The following ENTPD4 variants were observed in gnomAD, a reference collection of about 807,000 sequenced individuals.
ENTPD4 encodes the protein ectonucleoside triphosphate diphosphohydrolase 4, also known as Golgi UDPase.
Under a neutral mutation model 79.1 loss-of-function variants are expected in ENTPD4, and 60 were observed. That is an observed-to-expected ratio of 0.76 (90% CI 0.62 to 0.94). ENTPD4 has a LOEUF of 0.94. ENTPD4 is among the 40% of genes least tolerant of loss of function. The pLI is 0.00. For missense variants in ENTPD4, 772 were observed against 775.1 expected, an observed-to-expected ratio of 1.00 and a Z score of 0.05; for synonymous variants, 276 against 292.0, an observed-to-expected ratio of 0.95 and a Z score of 0.56.
rs997520939 is a variant in ENTPD4 at position 23,431,089 on chromosome 8, G to A, written c.*1837C>T. On this transcript the variant is annotated 3_prime_UTR_variant, in exon 13 of 13. Coordinates refer to ENST00000358689, the MANE Select transcript of ENTPD4 (RefSeq NM_004901.5). ...ATGCATTTTACCTTCCAGAGACGCA[G>A]GTTAAGCTGCACCTGAGGCAGTTTG... is the stretch of plus-strand genomic sequence containing the variant. 7.2e-5 allele frequency: 46 copies of A among 635,272 alleles called. No homozygotes were observed. In the African/African-American group the frequency reaches 9.1e-4, roughly 13 times the overall value. 39.4% of individuals were successfully genotyped at this position (635,272 alleles called of 1,614,324 possible).
At chr8:23,442,934 C>T (rs191336123) in intron 6 of ENTPD4, among the ~76,000 whole-genome samples, 5 of 152,222 alleles carry the variant, frequency 3.3e-5, no homozygotes, top group East Asian at 1.9e-4. Context: ...TTAACATTCC[C>T]GCCACTCCTT....
chr8:23,457,227 C>T (rs111867564), intron 1 of ENTPD4, among the ~76,000 whole-genome samples: 2 of 152,220 alleles, frequency 1.3e-5, no homozygotes, highest in Non-Finnish European at 2.9e-5. Flanking sequence ...TGCAGCATCC[C>T]TGCTGCCCGG....
rs369033589 is a variant in ENTPD4 at position 23,429,759 on chromosome 8, C to G, written c.*3167G>C. The G allele has an allele frequency of 4.1e-6, 4 of 985,356 alleles. No homozygotes were observed. The African/African-American group carries it at 7.0e-5, about 17-fold the overall frequency. 61.0% of individuals were successfully genotyped at this position (985,356 alleles called of 1,614,324 possible). ...AGGGGCCCCATGTTACTGGCCTCAG[C>G]CACCAGCAGCGTCTTCACTCCGCCC... On this transcript the variant is annotated 3_prime_UTR_variant, in exon 13 of 13. Transcript: ENST00000358689.
At chr8:23,457,284 G>A (rs1585414726) in intron 1 of ENTPD4, among the ~76,000 whole-genome samples, 1 of 151,758 alleles carries the variant, frequency 6.6e-6, no homozygotes, top group African/African-American at 2.4e-5. Flanking sequence ...GTCACCCGAG[G>A]CGCGCGACCG....
At chr8:23,434,510 C>T in intron 11 of ENTPD4, 32 bp from the exon 12 acceptor site, 3 of 1,610,602 alleles carry the variant, frequency 1.9e-6, no homozygotes, top group Non-Finnish European at 2.5e-6. Flanking sequence ...GCAAGTCAGA[C>T]TGACTCACTC....
In ENTPD4 at chr8:23,431,916, C is replaced by T. The variant is rs776624409; in HGVS notation, c.*1010G>A. On this transcript the variant is annotated 3_prime_UTR_variant, in exon 13 of 13. Coordinates refer to ENST00000358689, the MANE Select transcript of ENTPD4 (RefSeq NM_004901.5). Reference sequence around the variant, plus strand: ...TGCGGTCAGGAAAAGATAACAGTAACGAGGATTTTTCTAAATAAAATGTAC... The same window carrying T: ...TGCGGTCAGGAAAAGATAACAGTAATGAGGATTTTTCTAAATAAAATGTAC... The T allele has an allele frequency of 1.2e-5, 12 of 985,184 alleles. No individual in the cohort carries two copies. The highest frequency in any genetic ancestry group is 6.2e-5 in the Admixed American group (1 of 16,256). 61.0% of individuals were successfully genotyped at this position (985,184 alleles called of 1,614,324 possible). A position where few individuals can be genotyped will look rare whatever the true frequency, so the allele number is the denominator to read the frequency against.
At chr8:23,453,093 T>C (rs901665794) in intron 1 of ENTPD4, among the ~76,000 whole-genome samples, 6 of 152,124 alleles carry the variant, frequency 3.9e-5, no homozygotes, top group Non-Finnish European at 8.8e-5. Flanking sequence ...AAAGAATCTA[T>C]AAGGCAGTGG....
At position 23,432,713 on chromosome 8, in the gene ENTPD4, TG is replaced by T; in HGVS notation, c.*212del. Reference sequence around the variant, plus strand: ...CGGGGTTTCACCGTGTTAGCCAGGATGGTCTCGATCTCCTGACCTCATGATC... The same window carrying T: ...CGGGGTTTCACCGTGTTAGCCAGGATGTCTCGATCTCCTGACCTCATGATC... On this transcript the variant is annotated 3_prime_UTR_variant, in exon 13 of 13. Transcript: ENST00000358689. 1 of 1,085,484 alleles carries T rather than the reference TG, an allele frequency of 9.2e-7. No homozygotes were observed. The highest frequency in any genetic ancestry group is 1.2e-6 in the Non-Finnish European group (1 of 806,818). 67.2% of individuals were successfully genotyped at this position (1,085,484 alleles called of 1,614,324 possible). A position where few individuals can be genotyped will look rare whatever the true frequency, so the allele number is the denominator to read the frequency against.
At chr8:23,434,119 C>T (rs537965125) in intron 12 of ENTPD4, 198 bp downstream of exon 12, 13 of 624,456 alleles carry the variant, frequency 2.1e-5, no homozygotes, top group Middle Eastern at 4.5e-4. Flanking sequence ...CTGTGTATTA[C>T]GGGATGGTAG....
chr8:23,445,899 A>AG (rs1429907144), intron 4 of ENTPD4, among the ~76,000 whole-genome samples: 1 of 152,346 alleles, frequency 6.6e-6, no homozygotes, highest in Non-Finnish European at 1.5e-5. Context: ...ATTAAAAATG[A>AG]GGGGCGCTTT....
At chr8:23,453,310 C>T (rs907256213) in intron 1 of ENTPD4, among the ~76,000 whole-genome samples, 11 of 152,132 alleles carry the variant, frequency 7.2e-5, no homozygotes, top group South Asian at 6.2e-4. Flanking sequence ...ATGATCTAGA[C>T]GTTTAAATGG....
At chr8:23,433,214 G>C (rs1800492245) in intron 12 of ENTPD4, 60 bp from the exon 13 acceptor site, 1 of 1,461,136 alleles carries the variant, frequency 6.8e-7, no homozygotes, top group African/African-American at 1.4e-5. Flanking sequence ...GGTGGAAAGG[G>C]TGCACAGGGG....
In ENTPD4 at chr8:23,431,394, C is replaced by A; in HGVS notation, c.*1532G>T. 2 of 985,398 alleles carry A rather than the reference C, an allele frequency of 2.0e-6. 1 individual carries two copies. Among genetic ancestry groups the A allele is most frequent in the South Asian group, 9.4e-5 (2 of 21,290 alleles). The allele number at this position is 985,398 out of a possible 1,614,324, so 61.0% of individuals were successfully genotyped here. A position where few individuals can be genotyped will look rare whatever the true frequency, so the allele number is the denominator to read the frequency against. ...CACACAGACACTCGCACAAAACAAA[C>A]TCCACCTAAAAAAACTGTACGAGAA... is the stretch of plus-strand genomic sequence containing the variant. On this transcript the variant is annotated 3_prime_UTR_variant, in exon 13 of 13. Transcript: ENST00000358689.
In ENTPD4 at chr8:23,437,128, G is replaced by A. The variant is rs927488658; in HGVS notation, c.1180C>T (p.Leu394=). ...AAAGGCTGGATAGTCTCTCGACACAGGTCAAAGTCTCCAGTCCCTCGTAGG... is the reference window on the plus strand; with the variant it reads ...AAAGGCTGGATAGTCTCTCGACACAAGTCAAAGTCTCCAGTCCCTCGTAGG... ...IYLRGTGDFD[L]CRETIQPFMN... The change falls in exon 10 of 13, where the codon CTG becomes TTG. Residue 394 remains leucine, a synonymous_variant. Coordinates refer to ENST00000358689, the MANE Select transcript of ENTPD4 (RefSeq NM_004901.5). The A allele has an allele frequency of 4.3e-6, 7 of 1,614,082 alleles. No individual in the cohort carries two copies. Among genetic ancestry groups the A allele is most frequent in the Admixed American group, 3.3e-5 (2 of 60,012 alleles).
rs1253066764 is a variant in ENTPD4, at chr8:23,432,903, T to A, written c.*23A>T. ...GGCAAAAATGGCTTTTCCTTTTGAG[T>A]CTTCGTGGAGCTGTGAGCTGGATCA... On this transcript the variant is annotated 3_prime_UTR_variant, in exon 13 of 13. Transcript: ENST00000358689. 2 of 1,544,982 alleles carry A rather than the reference T, an allele frequency of 1.3e-6. No individual in the cohort carries two copies. The highest frequency in any genetic ancestry group is 1.8e-6 in the Non-Finnish European group (2 of 1,142,132).
At position 23,430,479 on chromosome 8, in the gene ENTPD4, G is replaced by A. The variant is rs2117268225; in HGVS notation, c.*2447C>T. On this transcript the variant is annotated 3_prime_UTR_variant, in exon 13 of 13. Transcript: ENST00000358689. ...GATGCTTCTGTCTGTATCCTTTTTTGAACTGCATTGTTCTCACAAGGACCA... is the reference window on the plus strand; with the variant it reads ...GATGCTTCTGTCTGTATCCTTTTTTAAACTGCATTGTTCTCACAAGGACCA... The A allele has an allele frequency of 2.0e-6, 2 of 985,290 alleles. No homozygotes were observed. The highest frequency in any genetic ancestry group is 2.4e-6 in the Non-Finnish European group (2 of 829,904). 61.0% of individuals were successfully genotyped at this position (985,290 alleles called of 1,614,324 possible).
intron 3 of ENTPD4, among the ~76,000 whole-genome samples, 153 bp from the exon 4 acceptor site, chr8:23,448,038 A>G (rs1413856775): frequency 6.6e-6 from 1 of 152,240 alleles, no homozygotes; most frequent in South Asian, 2.1e-4. Flanking sequence ...TTGAAGAGTC[A>G]AAAGAAAACA....
intron 4 of ENTPD4, among the ~76,000 whole-genome samples, chr8:23,446,348 A>T (rs930141806): frequency 9.2e-5 from 14 of 152,194 alleles, no homozygotes; most frequent in Non-Finnish European, 1.9e-4. Flanking sequence ...CTGGTACGTG[A>T]AGCTAGATGA....
At position 23,457,617 on chromosome 8, in the gene ENTPD4, G is replaced by T. The variant is rs116482988; in HGVS notation, c.-158C>A. ...CCACCAGTGGGCAGCATCACGGCCA[G>T]CCGGCTTCCTGGAGGCCGCGCTCCT... is the stretch of plus-strand genomic sequence containing the variant. On this transcript the variant is annotated 5_prime_UTR_variant, in exon 1 of 13. In the 5' UTR this introduces an upstream ATG that the reference lacks. Transcript: ENST00000358689. The T allele has an allele frequency of 2.0e-5, 3 of 151,940 alleles. No homozygotes were observed. The highest frequency in any genetic ancestry group is 1.3e-4 in the Admixed American group (2 of 15,254). The allele number at this position is 151,940 out of a possible 1,614,324, so 9.4% of individuals were successfully genotyped here.
Sources: gnomAD v4.1 joint callset for allele counts (sites outside exome capture counted in the v4.1 genomes callset) on GRCh38, gnomAD v4.1.1 for gene constraint, MANE v1.5 for transcripts, NCBI Gene and HGNC (gene_info 2026-07-23, HGNC 2026-07-21) for gene names.